HTN1: variants seen among roughly 807,000 people sequenced by gnomAD.
The protein encoded by HTN1 is histatin 1.
A neutral mutation model predicts 11.2 loss-of-function variants in HTN1; 18 were observed. The ratio of observed to expected loss-of-function variants is 1.61; its 90% CI spans 1.12 to 2.39. The LOEUF (loss-of-function observed/expected upper bound fraction) is 2.39. HTN1 is among the 30% of genes most tolerant of loss of function. HTN1 has a pLI of 0.00. For synonymous variants in HTN1, 21 were observed against 20.5 expected (o/e 1.02, Z -0.07); for missense variants, 80 against 67.2 (o/e 1.19, Z -0.67).
intron 1 of HTN1, among the ~76,000 whole-genome samples, chr4:70,051,831 T>C (rs1192286980): frequency 2.0e-5 from 3 of 152,074 alleles, no homozygotes; most frequent in African/African-American, 7.2e-5. Flanking sequence ...GTTACTGTAA[T>C]GTTATATCAC....
intron 5 of HTN1, 48 bp from the exon 6 acceptor site, chr4:70,058,532 A>G (rs1301494444): frequency 6.6e-6 from 1 of 152,184 alleles, no homozygotes; most frequent in Non-Finnish European, 1.5e-5. Flanking sequence ...ATTTATTTAT[A>G]GGAGTATCCA....
At chr4:70,056,936 TG>T (rs1453654515) in intron 5 of HTN1, 1 of 152,170 alleles carries the variant, frequency 6.6e-6, no homozygotes, top group African/African-American at 2.4e-5. Flanking sequence ...ACACTGTGTG[TG>T]AGAATGTAAA....
rs552053383 is a variant in HTN1, at chr4:70,054,325, G to A, written c.55G>A (p.Ala19Thr). ...VLALMISMISADSHEKRHHGY... is the reference protein window; with the variant it reads ...VLALMISMISTDSHEKRHHGY... ...TCTCATTTTCTTTTTTTCCAAGAGC[G>A]CTGATTCACATGAAAAGGTAAGACA... The change falls in exon 3 of 6, where the codon GCT becomes ACT. Residue 19 changes from alanine to threonine, a missense_variant. By Grantham distance (58) the Ala-to-Thr change is moderately conservative. Transcript: ENST00000246896. The A allele has an allele frequency of 2.6e-5, 39 of 1,497,974 alleles. No individual in the cohort carries two copies. Among genetic ancestry groups the A allele is most frequent in the Middle Eastern group, 2.1e-4 (1 of 4,704 alleles). The allele number at this position is 1,497,974 out of a possible 1,614,324, so 92.8% of individuals were successfully genotyped here. A position where few individuals can be genotyped will look rare whatever the true frequency, so the allele number is the denominator to read the frequency against.
chr4:70,051,044 C>A (rs918429306), intron 1 of HTN1, among the ~76,000 whole-genome samples: 11 of 152,250 alleles, frequency 7.2e-5, no homozygotes, highest in African/African-American at 2.6e-4. Flanking sequence ...ATTACATCCT[C>A]TCTGATGGTG....
At chr4:70,057,568 T>C (rs903913703) in intron 5 of HTN1, 6 of 152,142 alleles carry the variant, frequency 3.9e-5, no homozygotes, top group African/African-American at 1.2e-4. Context: ...TCACCAGTGT[T>C]AAGATGCTGA....
intron 4 of HTN1, among the ~76,000 whole-genome samples, chr4:70,054,777 G>A (rs1372147525): frequency 2.0e-5 from 3 of 152,000 alleles, no homozygotes; most frequent in Non-Finnish European, 4.4e-5. Context: ...GCTTAATAAA[G>A]CATAGAGGCT....
chr4:70,057,481 A>G (rs573469474), intron 5 of HTN1: 2 of 152,276 alleles, frequency 1.3e-5, no homozygotes, highest in South Asian at 2.1e-4. Context: ...TGTTCTGCAT[A>G]TGTATTCTAG....
At chr4:70,051,583 C>T (rs1158143935) in intron 1 of HTN1, among the ~76,000 whole-genome samples, 1 of 152,072 alleles carries the variant, frequency 6.6e-6, no homozygotes, top group Non-Finnish European at 1.5e-5. Flanking sequence ...GTAAAATTCT[C>T]ATGCCTTTTG....
intron 4 of HTN1, among the ~76,000 whole-genome samples, chr4:70,054,719 T>C (rs1445502415): frequency 1.3e-5 from 2 of 152,050 alleles, no homozygotes; most frequent in East Asian, 1.9e-4. Context: ...AATAATTTCA[T>C]TGACCTAAAG....
Position 70,058,754 on chromosome 4 carries a change from C to A in HTN1, c.*208C>A, listed in dbSNP as rs1181040667. 6.6e-6 allele frequency: 1 copy of A among 152,076 alleles called. No homozygotes were observed. Among genetic ancestry groups the A allele is most frequent in the East Asian group, 1.9e-4 (1 of 5,192 alleles). 9.4% of individuals were successfully genotyped at this position (152,076 alleles called of 1,614,324 possible). On this transcript the variant is annotated 3_prime_UTR_variant, in exon 6 of 6. Transcript: ENST00000246896. Reference sequence around the variant, plus strand: ...TTCCTAATTATCATTTGATTAGATACTTGCAATTTAAACTGTTAAGCTGTT... The same window carrying A: ...TTCCTAATTATCATTTGATTAGATAATTGCAATTTAAACTGTTAAGCTGTT...
chr4:70,054,765 A>G (rs1340472303), intron 4 of HTN1, among the ~76,000 whole-genome samples: 1 of 152,080 alleles, frequency 6.6e-6, no homozygotes, highest in Non-Finnish European at 1.5e-5. Context: ...AGTATAACAT[A>G]TGCTTAATAA....
intron 5 of HTN1, chr4:70,056,339 A>T (rs973394367): frequency 2.0e-5 from 3 of 152,136 alleles, no homozygotes; most frequent in Non-Finnish European, 4.4e-5. Flanking sequence ...AGCCATATGC[A>T]GAAAACCGAA....
chr4:70,057,106 A>G (rs1726063265), intron 5 of HTN1: 1 of 152,228 alleles, frequency 6.6e-6, no homozygotes, highest in African/African-American at 2.4e-5. Flanking sequence ...TTGCAGCACT[A>G]TTTACAATAG....
At position 70,055,481 on chromosome 4, in the gene HTN1, C is replaced by A. The variant is rs371488004; in HGVS notation, c.103-17C>A. 17 of 1,558,572 alleles carry A rather than the reference C, an allele frequency of 1.1e-5. No homozygotes were observed. The African/African-American group carries it at 2.2e-4, about 20-fold the overall frequency. On this transcript the variant is annotated splice_polypyrimidine_tract_variant and intron_variant, in intron 4 of 5. Coordinates refer to ENST00000246896, the MANE Select transcript of HTN1 (RefSeq NM_002159.4). ...TCTATTCTCTGCAATTTGCTCTCTC[C>A]TTTTGTGTGTATGCAGGAAAAGCAT...
intron 5 of HTN1, chr4:70,058,243 G>A (rs1210808174): frequency 1.3e-5 from 2 of 152,088 alleles, no homozygotes; most frequent in Non-Finnish European, 2.9e-5. Context: ...AATTGCTGAT[G>A]ACATTTAATC....
intron 4 of HTN1, 142 bp downstream of exon 4, chr4:70,054,592 T>G: frequency 1.7e-6 from 1 of 604,322 alleles, no homozygotes; most frequent in Admixed American, 3.8e-5. Flanking sequence ...TTATTTATGA[T>G]GCAAAGGCAA....
chr4:70,054,251 C>A (rs1436861982), intron 2 of HTN1, 71 bp from the exon 3 acceptor site: 1 of 962,416 alleles, frequency 1.0e-6, no homozygotes. Context: ...GTGGCTAAGT[C>A]AATATTTATA....
chr4:70,052,438 C>A (rs1456806313), intron 1 of HTN1, among the ~76,000 whole-genome samples: 1 of 152,124 alleles, frequency 6.6e-6, no homozygotes, highest in African/African-American at 2.4e-5. Context: ...GTTTTGTCCT[C>A]CCTATGTGTT....
intron 4 of HTN1, among the ~76,000 whole-genome samples, chr4:70,054,658 T>C (rs1161543180): frequency 6.6e-6 from 1 of 152,058 alleles, no homozygotes; most frequent in Non-Finnish European, 1.5e-5. Flanking sequence ...CAATTCCACC[T>C]GAAATAAGTC....
Sources: gnomAD v4.1 joint callset for allele counts (sites outside exome capture counted in the v4.1 genomes callset) on GRCh38, gnomAD v4.1.1 for gene constraint, MANE v1.5 for transcripts, NCBI Gene and HGNC (gene_info 2026-07-23, HGNC 2026-07-21) for gene names.